The following UBR2 variants were observed in gnomAD, a reference collection of about 807,000 sequenced individuals.
The protein encoded by UBR2 is ubiquitin protein ligase E3 component n-recognin 2.
UBR2 carries 92 observed loss-of-function variants against 247.9 expected under a neutral mutation model. The observed-to-expected ratio is 0.37, with a 90% CI of 0.31 to 0.44. The LOEUF is 0.44. Ranked by LOEUF, UBR2 falls within the 20% of genes least tolerant of loss-of-function variation. UBR2 has a pLI of 1.00. For missense variants in UBR2, 1,613 were observed against 2,112.6 expected (o/e 0.76, Z 4.64); for synonymous variants, 672 against 693.5 (o/e 0.97, Z 0.49).
At chr6:42,604,572 A>G (rs1160220267) in intron 5 of UBR2, among the ~76,000 whole-genome samples, 1 of 152,112 alleles carries the variant, frequency 6.6e-6, no homozygotes, top group Non-Finnish European at 1.5e-5. Context: ...TCCTAGTCCA[A>G]ATTAATTTCA....
At chr6:42,657,890 T>C in intron 26 of UBR2, 134 bp from the exon 27 acceptor site, 2 of 601,400 alleles carry the variant, frequency 3.3e-6, no homozygotes, top group Non-Finnish European at 5.8e-6. Context: ...ATTGAAAATC[T>C]CTATTTTGGT....
At position 42,583,436 on chromosome 6, in the gene UBR2, G is replaced by A. The variant is rs143780693; in HGVS notation, c.339-8715G>A. Among the ~76,000 whole-genome samples the A allele has an allele frequency of 7.7e-3, 1,172 of 151,740 alleles. 12 individuals carry two copies. Among genetic ancestry groups the A allele is most frequent in the African/African-American group, 0.026 (1,064 of 41,364 alleles). ...CTAATTTTCTATTTTTAGTAGAGGT[G>A]GGGTTTCCCCATGTTGGTCAGGCTA... On this transcript the variant is annotated intron_variant, in intron 2 of 46. Coordinates refer to ENST00000372901, the MANE Select transcript of UBR2 (RefSeq NM_001363705.2).
chr6:42,577,121 G>GT (rs1791572870), intron 2 of UBR2, among the ~76,000 whole-genome samples: 1 of 152,098 alleles, frequency 6.6e-6, no homozygotes, highest in African/African-American at 2.4e-5. Flanking sequence ...AAAAGTAGGT[G>GT]TTTCCATGAA....
At chr6:42,660,686 G>T (rs1025881447) in intron 30 of UBR2, among the ~76,000 whole-genome samples, 1 of 152,108 alleles carries the variant, frequency 6.6e-6, no homozygotes, top group Non-Finnish European at 1.5e-5. Flanking sequence ...TTTAGGCTGG[G>T]TATGGTGGCT....
At chr6:42,661,959 A>G (rs146036611) in intron 30 of UBR2, among the ~76,000 whole-genome samples, 283 of 152,338 alleles carry the variant, frequency 1.9e-3, no homozygotes, top group African/African-American at 6.2e-3. Flanking sequence ...CAGTTTAACA[A>G]TTTGAGAATG....
At chr6:42,619,443 ATATATATATATTTTTT>A (rs1351776680) in intron 11 of UBR2, 1 of 29,330 alleles carries the variant, frequency 3.4e-5, no homozygotes, top group Non-Finnish European at 6.6e-5. Context: ...ATATATATAT[ATATATATATATTTTTT>A]TTTTTTAGTT....
chr6:42,616,092 T>TA lies in UBR2; in HGVS notation c.1182+4dup. On this transcript the variant is annotated splice_region_variant and intron_variant, in intron 10 of 46. Coordinates refer to ENST00000372901, the MANE Select transcript of UBR2 (RefSeq NM_001363705.2). Reference sequence around the variant, plus strand: ...CTATTTGCTGTTCGATTTGCAAAAGTAAGTGGCTTTTCAATTTTGAAAATA... The same window carrying TA: ...CTATTTGCTGTTCGATTTGCAAAAGTAAAGTGGCTTTTCAATTTTGAAAATA... 1 of 1,599,864 alleles carries TA rather than the reference T, an allele frequency of 6.3e-7. No individual in the cohort carries two copies. Among genetic ancestry groups the TA allele is most frequent in the Non-Finnish European group, 8.5e-7 (1 of 1,175,944 alleles).
At chr6:42,617,164 A>G (rs994927768) in intron 10 of UBR2, 1 of 1,342,174 alleles carries the variant, frequency 7.5e-7, no homozygotes, top group African/African-American at 1.4e-5. Flanking sequence ...GACTTCCTCC[A>G]GCACTGACTT....
intron 3 of UBR2, among the ~76,000 whole-genome samples, chr6:42,593,936 C>T (rs144402781): frequency 1.3e-5 from 2 of 152,168 alleles, no homozygotes; most frequent in East Asian, 3.9e-4. Context: ...TCATGATTTT[C>T]CTAATTAAGG....
At position 42,663,367 on chromosome 6, in the gene UBR2, T is replaced by A; in HGVS notation, c.3646T>A (p.Leu1216Met). ...GEFLCPLCECLSNTVIPLLLP... is the reference protein window; with the variant it reads ...GEFLCPLCECMSNTVIPLLLP... ...ATTCCTTTGCCCCCTTTGTGAATGC[T>A]TGAGTAATACTGTTATTCCTCTGCT... Residue 1216 changes from leucine (L) to methionine (M), a missense_variant, in exon 32 of 47, where the codon TTG becomes ATG. Leu to Met is a conservative substitution (Grantham distance 15, BLOSUM62 2). Coordinates refer to ENST00000372901, the MANE Select transcript of UBR2 (RefSeq NM_001363705.2). The A allele has an allele frequency of 6.2e-7, 1 of 1,613,830 alleles. No homozygotes were observed. The highest frequency in any genetic ancestry group is 8.5e-7 in the Non-Finnish European group (1 of 1,179,908).
intron 35 of UBR2, 115 bp from the exon 36 acceptor site, chr6:42,670,545 A>C: frequency 1.3e-6 from 1 of 778,302 alleles, no homozygotes; most frequent in African/African-American, 1.8e-5. Flanking sequence ...AAGATTCTGA[A>C]ACTTGACAAT....
intron 34 of UBR2, among the ~76,000 whole-genome samples, chr6:42,668,684 C>T (rs1260607528): frequency 3.3e-5 from 5 of 152,134 alleles, no homozygotes; most frequent in Non-Finnish European, 7.4e-5. Flanking sequence ...TCAGATGATC[C>T]ACCCACCTCG....
chr6:42,648,368 A>G (rs1175980507), intron 22 of UBR2, among the ~76,000 whole-genome samples, 198 bp downstream of exon 22: 2 of 152,208 alleles, frequency 1.3e-5, no homozygotes, highest in Admixed American at 1.3e-4. Context: ...CAGCAACGTA[A>G]AGTGACATTG....
At position 42,638,002 on chromosome 6, in the gene UBR2, A is replaced by T. The variant is rs115881546; in HGVS notation, c.1858+808A>T. 7.8e-3 allele frequency among the ~76,000 whole-genome samples: 1,184 copies of T among 152,266 alleles called. 12 individuals carry two copies. The highest frequency in any genetic ancestry group is 0.028 in the African/African-American group (1,148 of 41,540). Reference sequence around the variant, plus strand: ...GTTTATGTTAAGTTTGTGGCTCAGTAGCTTAATGTGATGTGAGGGTATGTT... The same window carrying T: ...GTTTATGTTAAGTTTGTGGCTCAGTTGCTTAATGTGATGTGAGGGTATGTT... On this transcript the variant is annotated intron_variant, in intron 15 of 46. Coordinates refer to ENST00000372901, the MANE Select transcript of UBR2 (RefSeq NM_001363705.2).
At chr6:42,663,151 A>T (rs954218256) in intron 31 of UBR2, 107 bp from the exon 32 acceptor site, 1 of 964,690 alleles carries the variant, frequency 1.0e-6, no homozygotes. Context: ...TAAGATTTTC[A>T]TTTTTGAACT....
At chr6:42,621,624 G>A (rs760061398) in intron 11 of UBR2, among the ~76,000 whole-genome samples, 9 of 151,968 alleles carry the variant, frequency 5.9e-5, no homozygotes, top group Non-Finnish European at 1.3e-4. Context: ...CACCACACCT[G>A]GCTAATTTTG....
At chr6:42,630,146 A>AGTAGTG (rs1393565931) in intron 11 of UBR2, among the ~76,000 whole-genome samples, 3 of 150,522 alleles carry the variant, frequency 2.0e-5, no homozygotes, top group Non-Finnish European at 4.4e-5. Flanking sequence ...TAGTAGTAGT[A>AGTAGTG]GTAGTAGTAG....
At chr6:42,599,714 A>G (rs1177952117) in intron 4 of UBR2, among the ~76,000 whole-genome samples, 2 of 151,902 alleles carry the variant, frequency 1.3e-5, no homozygotes, top group Non-Finnish European at 2.9e-5. Context: ...GAGTGGTGCA[A>G]TCATGGCTCA....
At chr6:42,644,638 G>A in intron 20 of UBR2, 102 bp downstream of exon 20, 1 of 947,484 alleles carries the variant, frequency 1.1e-6, no homozygotes, top group Non-Finnish European at 1.6e-6. Context: ...TTGAGAGGAT[G>A]CTCAGTCTTA....
Sources: allele counts gnomAD v4.1 joint callset (sites outside exome capture counted in the v4.1 genomes callset), GRCh38; gene constraint gnomAD v4.1.1; transcripts MANE v1.5; gene names NCBI Gene and HGNC (gene_info 2026-07-23, HGNC 2026-07-21).